Variants in PPP1R12B observed in about 807,000 individuals in gnomAD.
The protein encoded by PPP1R12B is protein phosphatase 1 regulatory subunit 12B.
PPP1R12B carries 76 observed loss-of-function variants against 126.1 expected under a neutral mutation model. The ratio of observed to expected loss-of-function variants is 0.60; its 90% CI spans 0.50 to 0.73. The LOEUF (loss-of-function observed/expected upper bound fraction) is 0.73. Among genes scored for constraint, PPP1R12B ranks in the 30% least tolerant of loss-of-function variants. The pLI is 0.00. For synonymous variants in PPP1R12B, 356 were observed against 434.7 expected (o/e 0.82, Z 2.25); for missense variants, 1,052 against 1,205.1 (o/e 0.87, Z 1.88).
In PPP1R12B at chr1:202,348,755, C is replaced by G; in HGVS notation, c.-97C>G. On this transcript the variant is annotated 5_prime_UTR_variant, in exon 1 of 24. Coordinates refer to ENST00000608999, the MANE Select transcript of PPP1R12B (RefSeq NM_002481.4). ...GCGCGAGGGTCTCCGCCCTCTGCTC[C>G]GGGCTGAAGCGCTCTGAGAGAGGCG... 1 of 1,431,756 alleles carries G rather than the reference C, an allele frequency of 7.0e-7. No individual in the cohort carries two copies. Among genetic ancestry groups the G allele is most frequent in the South Asian group, 1.5e-5 (1 of 68,292 alleles). The allele number at this position is 1,431,756 out of a possible 1,614,324, so 88.7% of individuals were successfully genotyped here. A position where few individuals can be genotyped will look rare whatever the true frequency, so the allele number is the denominator to read the frequency against.
chr1:202,435,369 G>T (rs988955266), intron 9 of PPP1R12B, among the ~76,000 whole-genome samples: 1 of 152,154 alleles, frequency 6.6e-6, no homozygotes, highest in African/African-American at 2.4e-5. Context: ...TATTTTCTTT[G>T]TATCTGAAGT....
chr1:202,434,793 GA>G, intron 9 of PPP1R12B, 25 bp downstream of exon 9: 2 of 1,611,196 alleles, frequency 1.2e-6, no homozygotes, highest in Non-Finnish European at 1.7e-6. Flanking sequence ...CTTAATTTGG[GA>G]ATTAGATTTC....
At chr1:202,367,115 G>A (rs1278301737) in intron 1 of PPP1R12B, among the ~76,000 whole-genome samples, 1 of 152,118 alleles carries the variant, frequency 6.6e-6, no homozygotes, top group Non-Finnish European at 1.5e-5. Context: ...ATTTTATTCA[G>A]AAGATCTTTA....
At chr1:202,503,324 T>C (rs1043868473) in intron 18 of PPP1R12B, among the ~76,000 whole-genome samples, 1 of 152,206 alleles carries the variant, frequency 6.6e-6, no homozygotes, top group Admixed American at 6.5e-5. Flanking sequence ...ATTTTATTAA[T>C]TGAGATGGAG....
chr1:202,443,870 GGTTTGATAGATGTA>G (rs1332324760), intron 12 of PPP1R12B, among the ~76,000 whole-genome samples: 92 of 152,300 alleles, frequency 6.0e-4, no homozygotes, highest in African/African-American at 2.1e-3. Context: ...AGAGGCATTT[GGTTTGATAGATGTA>G]GTTTGGCAAA....
chr1:202,438,404 G>C (rs767192991), intron 10 of PPP1R12B: 1 of 577,272 alleles, frequency 1.7e-6, no homozygotes, highest in Non-Finnish European at 2.9e-6. Context: ...GCATGGCTTC[G>C]TGTGCTGAAC....
chr1:202,588,860 TAGA>T lies in PPP1R12B; in HGVS notation c.*8301_*8303del, dbSNP rs1689995519. 1 of 145,748 alleles carries T rather than the reference TAGA, an allele frequency of 6.9e-6. No individual in the cohort carries two copies. Among genetic ancestry groups the T allele is most frequent in the Non-Finnish European group, 1.5e-5 (1 of 67,616 alleles). 9.0% of individuals were successfully genotyped at this position (145,748 alleles called of 1,614,324 possible). ...ATAGATAGATAGATAGATAGATAGA[TAGA>T]TAGATAGATATCAAGGTTCCAAGCT... is the stretch of plus-strand genomic sequence containing the variant. On this transcript the variant is annotated 3_prime_UTR_variant, in exon 24 of 24. Coordinates refer to ENST00000608999, the MANE Select transcript of PPP1R12B (RefSeq NM_002481.4).
intron 19 of PPP1R12B, 80 bp from the exon 20 acceptor site, chr1:202,562,698 C>A: frequency 6.8e-7 from 1 of 1,462,968 alleles, no homozygotes; most frequent in Non-Finnish European, 9.6e-7. Context: ...AGAAAAGGCG[C>A]AAACTACCCC....
At chr1:202,519,431 AT>A (rs577207130) in intron 18 of PPP1R12B, among the ~76,000 whole-genome samples, 20 of 149,004 alleles carry the variant, frequency 1.3e-4, no homozygotes, top group African/African-American at 4.4e-4. Context: ...CACCCAGCTA[AT>A]TTTTTTTTTC....
chr1:202,402,201 A>G (rs182504358), intron 1 of PPP1R12B, among the ~76,000 whole-genome samples: 188 of 152,346 alleles, frequency 1.2e-3, no homozygotes, highest in Non-Finnish European at 2.3e-3. Flanking sequence ...CTTTTGGAAC[A>G]TGAGGTTTCT....
chr1:202,446,213 ACTCTCT>A (rs3077313), intron 12 of PPP1R12B, among the ~76,000 whole-genome samples: 5,402 of 64,236 alleles, frequency 0.084, 488 homozygotes, highest in African/African-American at 0.22. Context: ...ATATTATATT[ACTCTCT>A]CTCTCTCTCT....
At chr1:202,450,213 A>G (rs1481159488) in intron 13 of PPP1R12B, among the ~76,000 whole-genome samples, 1 of 152,238 alleles carries the variant, frequency 6.6e-6, no homozygotes, top group African/African-American at 2.4e-5. Context: ...TAATTTGAGA[A>G]GAATACCAGA....
intron 1 of PPP1R12B, among the ~76,000 whole-genome samples, chr1:202,373,138 G>T (rs1660588276): frequency 6.6e-6 from 1 of 152,046 alleles, no homozygotes; most frequent in Non-Finnish European, 1.5e-5. Context: ...GTTTCACCAT[G>T]TTGGCCAGGC....
At chr1:202,375,464 T>C (rs1386198271) in intron 1 of PPP1R12B, among the ~76,000 whole-genome samples, 1 of 152,210 alleles carries the variant, frequency 6.6e-6, no homozygotes, top group African/African-American at 2.4e-5. Context: ...ACTTCCACAA[T>C]CCTTATTGTC....
chr1:202,373,717 G>A (rs1000151333), intron 1 of PPP1R12B, among the ~76,000 whole-genome samples: 2 of 150,772 alleles, frequency 1.3e-5, no homozygotes, highest in Non-Finnish European at 3.0e-5. Context: ...GAAATATGAT[G>A]TTTAGTTTCC....
Position 202,560,302 on chromosome 1 carries a change from C to T in PPP1R12B, c.2507+1409C>T, listed in dbSNP as rs138979260. 3.0e-3 allele frequency among the ~76,000 whole-genome samples: 456 copies of T among 152,134 alleles called. 3 individuals carry two copies. Among genetic ancestry groups the T allele is most frequent in the African/African-American group, 0.011 (436 of 41,500 alleles). On this transcript the variant is annotated intron_variant, in intron 19 of 23. Coordinates refer to ENST00000608999, the MANE Select transcript of PPP1R12B (RefSeq NM_002481.4). ...CCCAAGAGAGGGTTCTTGGATCTCA[C>T]GCAAGAAAGAATTCAGGGAGAGTCC...
At chr1:202,556,137 A>G (rs1380008838) in intron 18 of PPP1R12B, among the ~76,000 whole-genome samples, 2 of 152,198 alleles carry the variant, frequency 1.3e-5, no homozygotes, top group Non-Finnish European at 2.9e-5. Context: ...CAGCCTCCCA[A>G]GCTGCTGGTA....
At chr1:202,397,089 A>C (rs1274447409) in intron 1 of PPP1R12B, among the ~76,000 whole-genome samples, 8 of 151,398 alleles carry the variant, frequency 5.3e-5, no homozygotes, top group Non-Finnish European at 1.0e-4. Context: ...TCCATCTATC[A>C]CTCTGTCTCT....
chr1:202,426,501 G>A (rs1464366081), intron 4 of PPP1R12B, among the ~76,000 whole-genome samples: 6 of 152,146 alleles, frequency 3.9e-5, no homozygotes, highest in African/African-American at 1.2e-4. Context: ...AGATATGTGG[G>A]TATATGGTAA....
Sources: allele counts gnomAD v4.1 joint callset (sites outside exome capture counted in the v4.1 genomes callset), GRCh38; gene constraint gnomAD v4.1.1; transcripts MANE v1.5; gene names NCBI Gene and HGNC (gene_info 2026-07-23, HGNC 2026-07-21).